The following AOAH variants were observed in gnomAD, a reference collection of about 807,000 sequenced individuals.
AOAH encodes acyloxyacyl hydrolase.
A neutral mutation model predicts 92.2 loss-of-function variants in AOAH; 64 were observed. That is an observed-to-expected ratio of 0.69 (90% CI 0.57 to 0.86). AOAH has a LOEUF of 0.86. Among genes scored for constraint, AOAH ranks in the 40% least tolerant of loss-of-function variants. The pLI is 0.00. For missense variants in AOAH, 656 were observed against 694.6 expected (o/e 0.94, Z 0.62); for synonymous variants, 263 against 254.5 (o/e 1.03, Z -0.32).
chr7:36,585,415 G>A (rs897835470), intron 12 of AOAH, among the ~76,000 whole-genome samples: 5 of 152,118 alleles, frequency 3.3e-5, no homozygotes, highest in Non-Finnish European at 7.3e-5. Flanking sequence ...CTAATTGTGG[G>A]AATATAAATT....
At chr7:36,664,795 T>C (rs1221859897) in intron 3 of AOAH, among the ~76,000 whole-genome samples, 1 of 152,196 alleles carries the variant, frequency 6.6e-6, no homozygotes, top group Non-Finnish European at 1.5e-5. Context: ...TGTACAAGCA[T>C]GGCTCCAGCA....
At chr7:36,555,838 T>G (rs1786663507) in intron 13 of AOAH, among the ~76,000 whole-genome samples, 1 of 152,212 alleles carries the variant, frequency 6.6e-6, no homozygotes, top group Non-Finnish European at 1.5e-5. Context: ...GATATCCCCT[T>G]TATCGTTTTT....
intron 12 of AOAH, among the ~76,000 whole-genome samples, chr7:36,583,753 C>A (rs569981548): frequency 7.2e-5 from 11 of 152,296 alleles, no homozygotes; most frequent in African/African-American, 2.6e-4. Flanking sequence ...AGGCTTCCTA[C>A]CTGTTAGGTT....
intron 19 of AOAH, among the ~76,000 whole-genome samples, chr7:36,524,995 T>A (rs2115883215): frequency 6.6e-6 from 1 of 152,310 alleles, no homozygotes; most frequent in African/African-American, 2.4e-5. Context: ...TTGAGCCTCA[T>A]CAAGACTTCA....
intron 4 of AOAH, among the ~76,000 whole-genome samples, chr7:36,658,547 A>G (rs1193785589): frequency 6.6e-6 from 1 of 152,206 alleles, no homozygotes; most frequent in Non-Finnish European, 1.5e-5. Flanking sequence ...TAATGCACAC[A>G]GGGTCCTCTG....
chr7:36,567,055 A>C (rs561750601), intron 13 of AOAH, among the ~76,000 whole-genome samples: 1 of 152,002 alleles, frequency 6.6e-6, no homozygotes, highest in Non-Finnish European at 1.5e-5. Context: ...CAAGTGATGC[A>C]CCCACCTCGG....
At chr7:36,710,743 C>T (rs1479396896) in intron 1 of AOAH, among the ~76,000 whole-genome samples, 1 of 152,194 alleles carries the variant, frequency 6.6e-6, no homozygotes, top group Non-Finnish European at 1.5e-5. Context: ...ACTTAAGATA[C>T]AGGTTGCCAT....
At chr7:36,679,107 T>A (rs1425570052) in intron 2 of AOAH, among the ~76,000 whole-genome samples, 1 of 152,164 alleles carries the variant, frequency 6.6e-6, no homozygotes, top group Non-Finnish European at 1.5e-5. Flanking sequence ...ACATTGGGTG[T>A]ATACAGATGT....
chr7:36,621,698 A>G lies in AOAH; in HGVS notation c.653+12T>C. ...ATAATTTTAAAAATCAGCAACCAGC[A>G]GAAATAGTTACCTTCTACCTGGGTA... On this transcript the variant is annotated intron_variant, in intron 8 of 20. Transcript: ENST00000617537. The G allele has an allele frequency of 6.2e-7, 1 of 1,613,696 alleles. No homozygotes were observed. Among genetic ancestry groups the G allele is most frequent in the Non-Finnish European group, 8.5e-7 (1 of 1,179,584 alleles).
chr7:36,643,068 T>G (rs1432632586), intron 4 of AOAH, among the ~76,000 whole-genome samples: 3 of 152,230 alleles, frequency 2.0e-5, no homozygotes, highest in Admixed American at 2.0e-4. Flanking sequence ...TTATTTTGGT[T>G]TGTAATGTCA....
At position 36,530,058 on chromosome 7, in the gene AOAH, T is replaced by C. The variant is rs978576229; in HGVS notation, c.1522+360A>G. The stretch of plus-strand genomic sequence containing the variant: ...ACTGTGAGAGGTGCCACCATATCCC[T>C]CATTTCTGTCACATCCATCAGGTAA... On this transcript the variant is annotated intron_variant, in intron 19 of 20. Coordinates refer to ENST00000617537, the MANE Select transcript of AOAH (RefSeq NM_001637.4). Among the ~76,000 whole-genome samples the C allele has an allele frequency of 2.6e-5, 4 of 152,152 alleles. No individual in the cohort carries two copies. The South Asian group carries it at 8.3e-4, about 32-fold the overall frequency.
chr7:36,621,834 C>T lies in AOAH; in HGVS notation c.583-54G>A, dbSNP rs1323793799. 19 of 1,519,828 alleles carry T rather than the reference C, an allele frequency of 1.3e-5. No homozygotes were observed. The East Asian group carries it at 1.6e-4, about 13-fold the overall frequency. 94.1% of individuals were successfully genotyped at this position (1,519,828 alleles called of 1,614,324 possible). A position where few individuals can be genotyped will look rare whatever the true frequency, so the allele number is the denominator to read the frequency against. On this transcript the variant is annotated intron_variant, in intron 7 of 20. Transcript: ENST00000617537. Reference sequence around the variant, plus strand: ...GTTCAGCCTGCTTTGATGTTATCCACGAGGAAGGCTAATCAGAGTTGTCTG... The same window carrying T: ...GTTCAGCCTGCTTTGATGTTATCCATGAGGAAGGCTAATCAGAGTTGTCTG...
chr7:36,599,129 AT>A (rs1790360777), intron 11 of AOAH, among the ~76,000 whole-genome samples: 1 of 152,122 alleles, frequency 6.6e-6, no homozygotes. Flanking sequence ...CATGTTTACT[AT>A]TTTGTGTAAT....
chr7:36,610,159 C>CAAAAAAAAA (rs71553082), intron 11 of AOAH, among the ~76,000 whole-genome samples: 384 of 48,918 alleles, frequency 7.8e-3, no homozygotes, highest in Middle Eastern at 0.026. Flanking sequence ...TCCATAATAG[C>CAAAAAAAAA]AAAAAAAAAA....
At chr7:36,542,303 C>T (rs1785474723) in intron 15 of AOAH, among the ~76,000 whole-genome samples, 1 of 152,122 alleles carries the variant, frequency 6.6e-6, no homozygotes, top group Non-Finnish European at 1.5e-5. Context: ...GGAGCATGGC[C>T]CCACGGACAC....
At chr7:36,698,075 T>TACCC (rs761692812) in intron 1 of AOAH, among the ~76,000 whole-genome samples, 9 of 152,244 alleles carry the variant, frequency 5.9e-5, no homozygotes, top group Non-Finnish European at 1.3e-4. Flanking sequence ...ATAGCATCCC[T>TACCC]AGGAAACGAA....
At chr7:36,639,602 A>G (rs1793759075) in intron 4 of AOAH, among the ~76,000 whole-genome samples, 1 of 152,246 alleles carries the variant, frequency 6.6e-6, no homozygotes, top group African/African-American at 2.4e-5. Context: ...TATAATAATG[A>G]TGGGTGATAA....
chr7:36,712,495 T>G (rs1228738383), intron 1 of AOAH, among the ~76,000 whole-genome samples: 1 of 152,122 alleles, frequency 6.6e-6, no homozygotes, highest in Non-Finnish European at 1.5e-5. Flanking sequence ...TGTAAAGAAA[T>G]GTTTTGCAAA....
At position 36,591,621 on chromosome 7, in the gene AOAH, A is replaced by G. The variant is rs2727801; in HGVS notation, c.938+2718T>C. On this transcript the variant is annotated intron_variant, in intron 12 of 20. Transcript: ENST00000617537. The stretch of plus-strand genomic sequence containing the variant: ...GTCTGCCTGCTGGGCACTGATCAGG[A>G]TGATGGGTAAAAACTGCTGCAGGAT... Among the ~76,000 whole-genome samples, 4 of 152,126 alleles carry G rather than the reference A, an allele frequency of 2.6e-5. No individual in the cohort carries two copies. In the South Asian group the frequency reaches 8.3e-4, roughly 32 times the overall value.
Sources: gnomAD v4.1 joint callset for allele counts (sites outside exome capture counted in the v4.1 genomes callset) on GRCh38, gnomAD v4.1.1 for gene constraint, MANE v1.5 for transcripts, NCBI Gene and HGNC (gene_info 2026-07-23, HGNC 2026-07-21) for gene names.